Variants in CASQ1 observed in about 807,000 individuals in gnomAD.
CASQ1 encodes calsequestrin 1.
Under a neutral mutation model 49.5 loss-of-function variants are expected in CASQ1, and 40 were observed. That is an observed-to-expected ratio of 0.81 (90% CI 0.63 to 1.05). The LOEUF (loss-of-function observed/expected upper bound fraction) is 1.05. CASQ1 is among the 50% of genes least tolerant of loss of function. The probability of loss-of-function intolerance (pLI) is 0.00; values close to 1 mark genes in which losing one functional copy is unlikely to be tolerated. For synonymous variants in CASQ1, 174 were observed against 187.2 expected (o/e 0.93, Z 0.58); for missense variants, 469 against 486.9 (o/e 0.96, Z 0.35).
chr1:160,194,438 ACAC>A (rs1417213823), intron 3 of CASQ1, among the ~76,000 whole-genome samples: 4 of 27,666 alleles, frequency 1.4e-4, no homozygotes, highest in Non-Finnish European at 5.4e-4. Context: ...CACACCACAC[ACAC>A]AACACACACC....
At chr1:160,197,197 C>T (rs1182070533) in intron 6 of CASQ1, among the ~76,000 whole-genome samples, 1 of 152,214 alleles carries the variant, frequency 6.6e-6, no homozygotes, top group Non-Finnish European at 1.5e-5. Context: ...TTCATCAAGG[C>T]AGGAACATGC....
Position 160,190,947 on chromosome 1 carries a change from G to A in CASQ1, c.196G>A (p.Val66Met). The A allele has an allele frequency of 6.2e-7, 1 of 1,614,162 alleles. No individual in the cohort carries two copies. Among genetic ancestry groups the A allele is most frequent in the Non-Finnish European group, 8.5e-7 (1 of 1,180,020 alleles). ...CAAGAATGTGTTCAAGAAGTATGAGGTGCTGGCACTCCTCTACCATGAACC... is the reference window on the plus strand; with the variant it reads ...CAAGAATGTGTTCAAGAAGTATGAGATGCTGGCACTCCTCTACCATGAACC... ...NYKNVFKKYE[V>M]LALLYHEPPE... The change falls in exon 1 of 11, where the codon GTG becomes ATG. Residue 66 changes from valine (V) to methionine (M), a missense_variant. Physicochemically the swap from Val to Met is conservative, Grantham distance 21 (BLOSUM62 1). Coordinates refer to ENST00000368078, the MANE Select transcript of CASQ1 (RefSeq NM_001231.5).
At chr1:160,193,676 G>T in intron 2 of CASQ1, 71 bp from the exon 3 acceptor site, 1 of 919,246 alleles carries the variant, frequency 1.1e-6, no homozygotes, top group Non-Finnish European at 1.7e-6. Context: ...CCGAGGATTT[G>T]GACCTTGAAT....
chr1:160,195,831 TTA>T (rs1393425168), intron 5 of CASQ1, 64 bp from the exon 6 acceptor site: 2 of 1,542,614 alleles, frequency 1.3e-6, no homozygotes, highest in Non-Finnish European at 1.8e-6. Context: ...TGTTCCCCCA[TTA>T]TACTGCTTCT....
At chr1:160,195,808 C>T in intron 5 of CASQ1, 89 bp from the exon 6 acceptor site, 1 of 1,400,502 alleles carries the variant, frequency 7.1e-7, no homozygotes, top group South Asian at 1.3e-5. Context: ...TTTCTGACTC[C>T]CTTCCTAATA....
At chr1:160,201,119 C>T in intron 10 of CASQ1, 126 bp from the exon 11 acceptor site, 1 of 1,005,412 alleles carries the variant, frequency 9.9e-7, no homozygotes, top group Non-Finnish European at 1.5e-6. Context: ...GTTTCCCTGG[C>T]CTTTGGCAGA....
chr1:160,193,660 CTGTG>C, intron 2 of CASQ1, 83 bp from the exon 3 acceptor site: 2 of 796,460 alleles, frequency 2.5e-6, no homozygotes, highest in African/African-American at 1.8e-5. Context: ...ATCAAACGGG[CTGTG>C]GCCGAGGATT....
rs192847549 is a variant in CASQ1 at position 160,190,616 on chromosome 1, G to T, written c.-136G>T. 2.5e-5 allele frequency: 20 copies of T among 784,434 alleles called. No individual in the cohort carries two copies. The African/African-American group carries it at 2.6e-4, about 10-fold the overall frequency. 48.6% of individuals were successfully genotyped at this position (784,434 alleles called of 1,614,324 possible). ...TCTCCAGGACCCAGCAGTGCCCTCT[G>T]TCCACTGCTCTGGGCCATTCCCCAA... On this transcript the variant is annotated 5_prime_UTR_variant, in exon 1 of 11. Transcript: ENST00000368078.
intron 6 of CASQ1, 33 bp downstream of exon 6, chr1:160,196,060 C>T (rs368220977): frequency 1.1e-5 from 17 of 1,609,100 alleles, no homozygotes; most frequent in Admixed American, 1.7e-5. Context: ...TCAGCGGGGT[C>T]GGCTCCTCCT....
chr1:160,194,793 CATAT>C (rs1363754875), intron 3 of CASQ1, among the ~76,000 whole-genome samples: 6 of 150,206 alleles, frequency 4.0e-5, no homozygotes, highest in African/African-American at 1.2e-4. Flanking sequence ...ACCCACCATA[CATAT>C]ATATCACATG....
rs1444148573 is a variant in CASQ1 at position 160,194,021 on chromosome 1, C to T, written c.465+174C>T. Among the ~76,000 whole-genome samples, 4 of 150,204 alleles carry T rather than the reference C, an allele frequency of 2.7e-5. No homozygotes were observed. In the East Asian group the frequency reaches 7.9e-4, roughly 30 times the overall value. On this transcript the variant is annotated intron_variant, in intron 3 of 10. Coordinates refer to ENST00000368078, the MANE Select transcript of CASQ1 (RefSeq NM_001231.5). ...CACACACCATACATACACACACACA[C>T]CACCTGCATACACACCACACATATG...
chr1:160,200,517 T>G (rs751057841), intron 10 of CASQ1, among the ~76,000 whole-genome samples: 154 of 152,300 alleles, frequency 1.0e-3, no homozygotes, highest in Admixed American at 3.1e-3. Flanking sequence ...TAAGAAAAAG[T>G]GATATTCAAA....
At chr1:160,195,778 G>A in intron 5 of CASQ1, 119 bp from the exon 6 acceptor site, 1 of 1,132,284 alleles carries the variant, frequency 8.8e-7, no homozygotes. Context: ...TGTCACAGTG[G>A]CAGTGACAAG....
chr1:160,197,801 G>A (rs539687517), intron 7 of CASQ1, among the ~76,000 whole-genome samples, 187 bp downstream of exon 7: 20 of 151,832 alleles, frequency 1.3e-4, no homozygotes, highest in Non-Finnish European at 1.9e-4. Flanking sequence ...GGTGGATCAC[G>A]AGGTCAGGAG....
Position 160,198,679 on chromosome 1 carries a change from G to C in CASQ1, c.831G>C (p.Glu277Asp), listed in dbSNP as rs748518378. 6.2e-7 allele frequency: 1 copy of C among 1,613,112 alleles called. No homozygotes were observed. Among genetic ancestry groups the C allele is most frequent in the Non-Finnish European group, 8.5e-7 (1 of 1,179,058 alleles). The change falls in exon 8 of 11, where the codon GAG becomes GAC. Residue 277 changes from glutamate (E) to aspartate (D), a missense_variant and splice_region_variant. Glu to Asp is a conservative substitution (Grantham distance 45). Coordinates refer to ENST00000368078, the MANE Select transcript of CASQ1 (RefSeq NM_001231.5). ...LKPESMYETW[E>D]DDMDGIHIVA... ...TTCTCCTTCTTACCCCCTGACAGGAGGATGATATGGATGGAATCCACATTG... is the reference window on the plus strand; with the variant it reads ...TTCTCCTTCTTACCCCCTGACAGGACGATGATATGGATGGAATCCACATTG...
chr1:160,194,724 A>G (rs1383983593), intron 3 of CASQ1, among the ~76,000 whole-genome samples: 1 of 150,758 alleles, frequency 6.6e-6, no homozygotes. Flanking sequence ...TATGCACCAC[A>G]TGCACACCAC....
rs74123288 is a variant in CASQ1, at chr1:160,201,468, G to A, written c.*92G>A. ...TCCCTGAGTTCCTCCAGGGAGACTA[G>A]GTTATTCTCTGCCATAGAGCTAACT... is the stretch of plus-strand genomic sequence containing the variant. On this transcript the variant is annotated 3_prime_UTR_variant, in exon 11 of 11. Transcript: ENST00000368078. The A allele has an allele frequency of 7.2e-7, 1 of 1,385,090 alleles. No individual in the cohort carries two copies. The highest frequency in any genetic ancestry group is 1.0e-6 in the Non-Finnish European group (1 of 998,172). The allele number at this position is 1,385,090 out of a possible 1,614,324, so 85.8% of individuals were successfully genotyped here.
intron 7 of CASQ1, chr1:160,198,403 C>T: frequency 3.5e-6 from 1 of 289,582 alleles, no homozygotes; most frequent in Non-Finnish European, 6.6e-6. Flanking sequence ...ACTCAGGAGG[C>T]TGAGGCAGGA....
chr1:160,192,862 G>T lies in CASQ1; in HGVS notation c.340G>T (p.Asp114Tyr), dbSNP rs977017599. 2 of 1,613,684 alleles carry T rather than the reference G, an allele frequency of 1.2e-6. No individual in the cohort carries two copies. The highest frequency in any genetic ancestry group is 1.7e-6 in the Non-Finnish European group (2 of 1,179,764). ...VGFGLVDSEK[D>Y]AAVAKKLGLT... ...CTTCGGGCTGGTAGACTCTGAGAAGGATGCAGCTGTGGCCAAGAAACTAGG... is the reference window on the plus strand; with the variant it reads ...CTTCGGGCTGGTAGACTCTGAGAAGTATGCAGCTGTGGCCAAGAAACTAGG... The change falls in exon 2 of 11, where the codon GAT becomes TAT. Residue 114 changes from aspartate (D) to tyrosine (Y), a missense_variant. By Grantham distance (160) the Asp-to-Tyr change is radical. Transcript: ENST00000368078.
Sources: allele counts gnomAD v4.1 joint callset (sites outside exome capture counted in the v4.1 genomes callset), GRCh38; gene constraint gnomAD v4.1.1; transcripts MANE v1.5; gene names NCBI Gene and HGNC (gene_info 2026-07-23, HGNC 2026-07-21).